SUCLA2: variants seen among roughly 807,000 people sequenced by gnomAD.
SUCLA2 encodes succinate-CoA ligase ADP-forming subunit beta.
Under a neutral mutation model 54.8 loss-of-function variants are expected in SUCLA2, and 30 were observed. The observed-to-expected ratio is 0.55, with a 90% CI of 0.41 to 0.74. The LOEUF (loss-of-function observed/expected upper bound fraction) is 0.74, where lower values mean the gene tolerates loss of function less well. Ranked by LOEUF, SUCLA2 falls within the 30% of genes least tolerant of loss-of-function variation. SUCLA2 has a pLI of 0.00. For missense variants in SUCLA2, 476 were observed against 562.9 expected (o/e 0.85, Z 1.56); for synonymous variants, 172 against 188.9 (o/e 0.91, Z 0.74).
chr13:47,952,717 T>G (rs1949786490), intron 8 of SUCLA2, among the ~76,000 whole-genome samples: 1 of 151,762 alleles, frequency 6.6e-6, no homozygotes, highest in Admixed American at 6.6e-5. Context: ...TTCTCTTGTG[T>G]ATGTGCTGGG....
intron 8 of SUCLA2, among the ~76,000 whole-genome samples, chr13:47,952,842 C>T (rs1002629536): frequency 2.0e-5 from 3 of 152,146 alleles, no homozygotes; most frequent in African/African-American, 7.2e-5. Flanking sequence ...CATATTCTTA[C>T]ACATAAGCAT....
At chr13:47,971,260 A>G (rs1000119817) in intron 5 of SUCLA2, among the ~76,000 whole-genome samples, 2 of 151,690 alleles carry the variant, frequency 1.3e-5, no homozygotes, top group African/African-American at 4.8e-5. Context: ...AAAAATACCA[A>G]TGAAAAGTTA....
At chr13:47,964,673 C>T (rs562214163) in intron 6 of SUCLA2, among the ~76,000 whole-genome samples, 69 of 152,004 alleles carry the variant, frequency 4.5e-4, no homozygotes, top group African/African-American at 1.1e-3. Context: ...CTGGCTAACA[C>T]GGTGAAACCC....
intron 4 of SUCLA2, among the ~76,000 whole-genome samples, chr13:47,983,370 C>A (rs961284122): frequency 2.9e-5 from 3 of 102,726 alleles, no homozygotes; most frequent in Non-Finnish European, 6.8e-5. Context: ...AGTCATGCCA[C>A]TGAAATAGAA....
In SUCLA2 at chr13:47,949,490, C is replaced by T; in HGVS notation, c.1221G>A (p.Arg407=). The change falls in exon 9 of 11, where the codon CGG becomes CGA. Residue 407 remains arginine (R), a synonymous_variant. Transcript: ENST00000646932. ...GATACCTTTTATACTCACCTTGTAACCGTACCACAACAGGTATTTTAATTT... is the reference window on the plus strand; with the variant it reads ...GATACCTTTTATACTCACCTTGTAATCGTACCACAACAGGTATTTTAATTT... The part of the protein sequence containing the change: ...DLEIKIPVVV[R]LQGTRVDDAK... 1.9e-6 allele frequency: 3 copies of T among 1,613,456 alleles called. No homozygotes were observed. Among genetic ancestry groups the T allele is most frequent in the Non-Finnish European group, 2.5e-6 (3 of 1,179,574 alleles).
chr13:47,966,875 G>A (rs1472602750), intron 6 of SUCLA2, among the ~76,000 whole-genome samples: 1 of 152,018 alleles, frequency 6.6e-6, no homozygotes, highest in African/African-American at 2.4e-5. Context: ...GAATTAGCCA[G>A]GCATGGTGGT....
intron 10 of SUCLA2, among the ~76,000 whole-genome samples, chr13:47,943,766 G>GTGTGTGTGTGTATA (rs1300486540): frequency 5.9e-4 from 83 of 139,662 alleles, no homozygotes; most frequent in African/African-American, 2.1e-3. Flanking sequence ...GTGTGTGTGT[G>GTGTGTGTGTGTATA]TATATATATA....
At chr13:47,969,725 A>G (rs1485775794) in intron 5 of SUCLA2, among the ~76,000 whole-genome samples, 3 of 152,224 alleles carry the variant, frequency 2.0e-5, no homozygotes, top group Non-Finnish European at 4.4e-5. Flanking sequence ...TTGATTTTCA[A>G]TAACAAAAAA....
intron 2 of SUCLA2, among the ~76,000 whole-genome samples, chr13:47,996,087 G>A (rs576418965): frequency 6.6e-6 from 1 of 152,158 alleles, no homozygotes; most frequent in Non-Finnish European, 1.5e-5. Context: ...ACTTTGGGAG[G>A]CGGAGGCGGG....
intron 2 of SUCLA2, among the ~76,000 whole-genome samples, chr13:47,993,833 T>C (rs4942737): frequency 0.94 from 142,384 of 152,168 alleles, 66,646 homozygotes; most frequent in East Asian, 1. Context: ...GTCGGGAGTT[T>C]AAGACCAGCC....
intron 2 of SUCLA2, among the ~76,000 whole-genome samples, chr13:47,990,933 T>C (rs1005773585): frequency 1.3e-5 from 2 of 152,234 alleles, no homozygotes; most frequent in African/African-American, 4.8e-5. Context: ...TTAAACCAGA[T>C]GATGACCCTA....
chr13:47,948,381 ATG>A (rs1304910290), intron 10 of SUCLA2, among the ~76,000 whole-genome samples: 23 of 145,580 alleles, frequency 1.6e-4, no homozygotes, highest in East Asian at 1.9e-4. Context: ...GTGTGCGTGC[ATG>A]TGTGTGTGCG....
At chr13:47,965,242 G>C (rs1949907788) in intron 6 of SUCLA2, among the ~76,000 whole-genome samples, 1 of 151,736 alleles carries the variant, frequency 6.6e-6, no homozygotes, top group South Asian at 2.1e-4. Context: ...GTAAAAGTTT[G>C]ACAAGGAATA....
chr13:47,967,674 C>G (rs1039863901), intron 6 of SUCLA2, among the ~76,000 whole-genome samples: 3 of 109,754 alleles, frequency 2.7e-5, no homozygotes, highest in Admixed American at 9.5e-5. Context: ...AACCTCATCT[C>G]TACTAAAAAC....
At chr13:47,954,082 ATAAGTAT>A in intron 8 of SUCLA2, 51 bp downstream of exon 8, 1 of 1,273,608 alleles carries the variant, frequency 7.9e-7, no homozygotes, top group Non-Finnish European at 1.0e-6. Flanking sequence ...ATACATTTTT[ATAAGTAT>A]TTATTTTATA....
intron 2 of SUCLA2, among the ~76,000 whole-genome samples, chr13:47,995,699 A>G (rs976062220): frequency 6.6e-6 from 1 of 152,226 alleles, no homozygotes; most frequent in African/African-American, 2.4e-5. Flanking sequence ...CATAGAAGAG[A>G]GATTATTTAT....
At position 47,976,590 on chromosome 13, in the gene SUCLA2, C is replaced by T. The variant is rs1950015643; in HGVS notation, c.535-3198G>A. On this transcript the variant is annotated intron_variant, in intron 4 of 10. Coordinates refer to ENST00000646932, the MANE Select transcript of SUCLA2 (RefSeq NM_003850.3). ...AGAGTACACAGGCTCATGGCAGTACCAGAAAATGTGTAACATCCCAGAGGG... is the reference window on the plus strand; with the variant it reads ...AGAGTACACAGGCTCATGGCAGTACTAGAAAATGTGTAACATCCCAGAGGG... Among the ~76,000 whole-genome samples the T allele has an allele frequency of 2.0e-5, 3 of 152,234 alleles. No individual in the cohort carries two copies. The South Asian group carries it at 6.2e-4, about 32-fold the overall frequency.
intron 2 of SUCLA2, 32 bp downstream of exon 2, chr13:47,996,811 C>G (rs1255136668): frequency 3.7e-6 from 6 of 1,610,218 alleles, no homozygotes; most frequent in Non-Finnish European, 5.1e-6. Context: ...GCTCTCATGT[C>G]AAGGTGGCAA....
intron 8 of SUCLA2, among the ~76,000 whole-genome samples, chr13:47,953,499 A>G (rs532000052): frequency 6.6e-6 from 1 of 152,346 alleles, no homozygotes; most frequent in African/African-American, 2.4e-5. Context: ...ATTAATAAAT[A>G]TGGAAAATAA....
Sources: allele counts gnomAD v4.1 joint callset (sites outside exome capture counted in the v4.1 genomes callset), GRCh38; gene constraint gnomAD v4.1.1; transcripts MANE v1.5; gene names NCBI Gene and HGNC (gene_info 2026-07-23, HGNC 2026-07-21).